The following KHDRBS2 variants were observed in gnomAD, a reference collection of about 807,000 sequenced individuals.
The protein encoded by KHDRBS2 is KH RNA binding domain containing, signal transduction associated 2.
A neutral mutation model predicts 44.3 loss-of-function variants in KHDRBS2; 26 were observed. The observed-to-expected ratio is 0.59, with a 90% CI of 0.43 to 0.81. The LOEUF is 0.81. Ranked by LOEUF, KHDRBS2 falls within the 40% of genes least tolerant of loss-of-function variation. The pLI, the probability that KHDRBS2 is intolerant of heterozygous loss-of-function variation, is 0.00. For synonymous variants in KHDRBS2, 194 were observed against 151.1 expected, an observed-to-expected ratio of 1.28 and a Z score of -2.08; for missense variants, 476 against 433.1, an observed-to-expected ratio of 1.10 and a Z score of -0.88.
downstream of KHDRBS2, among the ~76,000 whole-genome samples, chr6:61,676,130 G>T (rs1370288116): frequency 6.6e-6 from 1 of 151,786 alleles, no homozygotes; most frequent in Admixed American, 6.6e-5. Flanking sequence ...GCATATGCTT[G>T]CCAGTTAGGA....
chr6:62,030,768 T>G (rs1172223149), intron 3 of KHDRBS2, among the ~76,000 whole-genome samples: 1 of 152,124 alleles, frequency 6.6e-6, no homozygotes, highest in Non-Finnish European at 1.5e-5. Flanking sequence ...GTCCTTGTGC[T>G]TTAACTTTTG....
intron 1 of KHDRBS2, among the ~76,000 whole-genome samples, chr6:62,244,572 A>T (rs1275877497): frequency 6.6e-6 from 1 of 152,160 alleles, no homozygotes; most frequent in Non-Finnish European, 1.5e-5. Flanking sequence ...ATCTTTGGAG[A>T]AGCATAGCTC....
chr6:61,982,656 G>A (rs78180034), intron 3 of KHDRBS2, among the ~76,000 whole-genome samples: 2,194 of 144,614 alleles, frequency 0.015, 154 homozygotes, highest in Admixed American at 0.12. Flanking sequence ...GGGCGACAGA[G>A]CCAAACTCTG....
At chr6:61,578,646 T>C in the KHDRBS2 span, among the ~76,000 whole-genome samples, 3 of 152,036 alleles carry the variant, frequency 2.0e-5, no homozygotes, top group East Asian at 5.8e-4. Context: ...CCCCATTGCG[T>C]TCGTGTCATA....
At chr6:61,607,351 GC>G in the KHDRBS2 span, among the ~76,000 whole-genome samples, 11 of 150,390 alleles carry the variant, frequency 7.3e-5, no homozygotes, top group Admixed American at 5.3e-4. Context: ...GAAGAGGGGA[GC>G]AAAAATTAGT....
intron 2 of KHDRBS2, among the ~76,000 whole-genome samples, chr6:62,078,053 G>A (rs1796677404): frequency 6.6e-6 from 1 of 151,998 alleles, no homozygotes; most frequent in African/African-American, 2.4e-5. Flanking sequence ...GTTGTTTTCA[G>A]CAAAGCAATT....
rs1789088283 is a variant in KHDRBS2 at position 61,817,129 on chromosome 6, G to C, written c.810+77506C>G. The stretch of plus-strand genomic sequence containing the variant: ...TAGTTTTTCTACAAAGAATGTAAAT[G>C]CTGCCCACTGAATGATGACTCAATT... On this transcript the variant is annotated intron_variant, in intron 6 of 8. Coordinates refer to ENST00000281156, the MANE Select transcript of KHDRBS2 (RefSeq NM_152688.4). 2.6e-5 allele frequency: 9 copies of C among 340,650 alleles called. No individual in the cohort carries two copies. The Admixed American group carries it at 2.8e-4, about 10-fold the overall frequency. 21.1% of individuals were successfully genotyped at this position (340,650 alleles called of 1,614,324 possible).
At chr6:61,655,774 G>C in the KHDRBS2 span, among the ~76,000 whole-genome samples, 18 of 152,086 alleles carry the variant, frequency 1.2e-4, no homozygotes, top group Admixed American at 7.9e-4. Flanking sequence ...TTTATTTGTT[G>C]AAGTAGTCCA....
At chr6:62,004,924 C>G (rs1415885209) in intron 3 of KHDRBS2, among the ~76,000 whole-genome samples, 1 of 152,146 alleles carries the variant, frequency 6.6e-6, no homozygotes, top group African/African-American at 2.4e-5. Context: ...ACATGATTTT[C>G]TCAACAGATG....
intron 2 of KHDRBS2, among the ~76,000 whole-genome samples, chr6:62,135,256 C>T (rs1477256353): frequency 6.6e-6 from 1 of 152,102 alleles, no homozygotes; most frequent in Non-Finnish European, 1.5e-5. Flanking sequence ...TAAGGGGAAT[C>T]CCCTTTTGCT....
chr6:61,545,944 C>A, the KHDRBS2 span, among the ~76,000 whole-genome samples: 3 of 152,050 alleles, frequency 2.0e-5, no homozygotes, highest in East Asian at 5.8e-4. Flanking sequence ...ATCGCTATTC[C>A]CTGATTTTGG....
intron 7 of KHDRBS2, among the ~76,000 whole-genome samples, chr6:61,715,887 A>C (rs952512611): frequency 3.3e-5 from 5 of 152,048 alleles, no homozygotes; most frequent in African/African-American, 7.2e-5. Context: ...AATCCTTAAA[A>C]TGTTTAATTT....
chr6:62,155,187 A>G (rs1370119841), intron 2 of KHDRBS2, among the ~76,000 whole-genome samples: 2 of 152,184 alleles, frequency 1.3e-5, no homozygotes, highest in Non-Finnish European at 2.9e-5. Context: ...AAAAATGGAC[A>G]GGATTTAGTA....
chr6:62,123,309 T>C (rs1297204231), intron 2 of KHDRBS2, among the ~76,000 whole-genome samples: 1 of 152,214 alleles, frequency 6.6e-6, no homozygotes, highest in African/African-American at 2.4e-5. Flanking sequence ...TGATGGACAT[T>C]TGGGTTGGTT....
intron 1 of KHDRBS2, among the ~76,000 whole-genome samples, chr6:62,211,388 T>C (rs1289435407): frequency 6.6e-6 from 1 of 152,208 alleles, no homozygotes; most frequent in Non-Finnish European, 1.5e-5. Flanking sequence ...AAAATAAACA[T>C]TGTGACATCA....
chr6:62,060,101 T>A (rs1253161913), intron 2 of KHDRBS2, among the ~76,000 whole-genome samples: 1 of 151,812 alleles, frequency 6.6e-6, no homozygotes, highest in African/African-American at 2.4e-5. Flanking sequence ...TGATGGGGAC[T>A]TTCCTGGCAG....
intron 3 of KHDRBS2, among the ~76,000 whole-genome samples, chr6:61,978,737 T>C (rs538553352): frequency 9.9e-5 from 15 of 152,210 alleles, no homozygotes; most frequent in African/African-American, 3.4e-4. Flanking sequence ...CAGCCCAGAT[T>C]ATCAGCAAGC....
chr6:61,789,014 T>C (rs1784237013), intron 6 of KHDRBS2, among the ~76,000 whole-genome samples: 1 of 151,456 alleles, frequency 6.6e-6, no homozygotes, highest in Non-Finnish European at 1.5e-5. Flanking sequence ...ACTTAGTTAC[T>C]TGGCAAGTTC....
chr6:61,959,373 A>T (rs1562530285), intron 4 of KHDRBS2, among the ~76,000 whole-genome samples: 2 of 152,290 alleles, frequency 1.3e-5, no homozygotes, highest in East Asian at 1.9e-4. Flanking sequence ...TTTTGGCATT[A>T]ACAGGCAGTA....
Sources: gnomAD v4.1 joint callset for allele counts (sites outside exome capture counted in the v4.1 genomes callset) on GRCh38, gnomAD v4.1.1 for gene constraint, MANE v1.5 for transcripts, NCBI Gene and HGNC (gene_info 2026-07-23, HGNC 2026-07-21) for gene names.